Variants in CTRB1 observed in about 807,000 individuals in gnomAD.
CTRB1 encodes chymotrypsinogen B.
Under a neutral mutation model 20.4 loss-of-function variants are expected in CTRB1, and 15 were observed. The ratio of observed to expected loss-of-function variants is 0.74; its 90% CI spans 0.49 to 1.13. The LOEUF (loss-of-function observed/expected upper bound fraction) is 1.13, where lower values mean the gene tolerates loss of function less well. CTRB1 is among the 50% of genes most tolerant of loss of function. The pLI, the probability that CTRB1 is intolerant of heterozygous loss-of-function variation, is 0.00. For missense variants in CTRB1, 227 were observed against 290.1 expected, an observed-to-expected ratio of 0.78 and a Z score of 1.58; for synonymous variants, 92 against 128.4, an observed-to-expected ratio of 0.72 and a Z score of 1.92.
At chr16:75,224,559 G>A in intron 6 of CTRB1, 146 bp from the exon 7 acceptor site, 2 of 960,178 alleles carry the variant, frequency 2.1e-6, no homozygotes, top group East Asian at 2.5e-5. Flanking sequence ...CAGCTACTAG[G>A]GTCTTTCATA....
intron 1 of CTRB1, 152 bp from the exon 2 acceptor site, chr16:75,222,616 A>T: frequency 1.3e-6 from 1 of 776,974 alleles, no homozygotes; most frequent in Non-Finnish European, 2.0e-6. Flanking sequence ...GAGCCTAGAG[A>T]CTTGGGGACC....
chr16:75,222,729 T>C, intron 1 of CTRB1, 39 bp from the exon 2 acceptor site: 2 of 1,536,656 alleles, frequency 1.3e-6, no homozygotes, highest in Non-Finnish European at 1.8e-6. Flanking sequence ...CCCAGGTGGG[T>C]TTGGGGCCTC....
Position 75,220,479 on chromosome 16 carries a change from C to A in CTRB1, c.52+1420C>A, listed in dbSNP as rs116547796. Among the ~76,000 whole-genome samples, 660 of 152,222 alleles carry A rather than the reference C, an allele frequency of 4.3e-3. 3 individuals are homozygous for A. The highest frequency in any genetic ancestry group is 0.015 in the African/African-American group (632 of 41,536). ...GATTACAGGCGTGAGCCCCCATGCCCGACCTGGGGTCTTATTATGTTGTCC... is the reference window on the plus strand; with the variant it reads ...GATTACAGGCGTGAGCCCCCATGCCAGACCTGGGGTCTTATTATGTTGTCC... On this transcript the variant is annotated intron_variant, in intron 1 of 6. Coordinates refer to ENST00000361017, the MANE Select transcript of CTRB1 (RefSeq NM_001906.6).
In CTRB1 at chr16:75,224,901, G is replaced by T. The variant is rs371490267; in HGVS notation, c.*35G>T. 2.9e-5 allele frequency: 46 copies of T among 1,610,626 alleles called. No homozygotes were observed. The African/African-American group carries it at 5.7e-4, about 20-fold the overall frequency. On this transcript the variant is annotated 3_prime_UTR_variant, in exon 7 of 7. Transcript: ENST00000361017. Reference sequence around the variant, plus strand: ...TCCCTCCGACCCTGCTCCCCACAGAGCCTCAGTAAACCCATGGAACACACG... The same window carrying T: ...TCCCTCCGACCCTGCTCCCCACAGATCCTCAGTAAACCCATGGAACACACG...
chr16:75,222,395 T>C (rs146636076), intron 1 of CTRB1, among the ~76,000 whole-genome samples: 58 of 152,286 alleles, frequency 3.8e-4, no homozygotes, highest in Admixed American at 1.3e-3. Context: ...GCCCTTTTTA[T>C]AGCTGAGGAC....
At position 75,224,157 on chromosome 16, in the gene CTRB1, G is replaced by C; in HGVS notation, c.599G>C (p.Cys200Ser). ...AGGAGGATCACCGACGTGATGATCTGTGCCGGGGCCAGTGGCGTCTCCTCC... is the reference window on the plus strand; with the variant it reads ...AGGAGGATCACCGACGTGATGATCTCTGCCGGGGCCAGTGGCGTCTCCTCC... ...WGRRITDVMICAGASGVSSCM... is the reference protein window; with the variant it reads ...WGRRITDVMISAGASGVSSCM... Residue 200 changes from cysteine (C) to serine (S), a missense_variant, in exon 6 of 7, where the codon TGT becomes TCT. By Grantham distance (112) the Cys-to-Ser change is moderately radical. Coordinates refer to ENST00000361017, the MANE Select transcript of CTRB1 (RefSeq NM_001906.6). The C allele has an allele frequency of 6.7e-7, 1 of 1,494,806 alleles. No individual in the cohort carries two copies. The highest frequency in any genetic ancestry group is 1.2e-5 in the South Asian group (1 of 81,598). The allele number at this position is 1,494,806 out of a possible 1,614,324, so 92.6% of individuals were successfully genotyped here. A position where few individuals can be genotyped will look rare whatever the true frequency, so the allele number is the denominator to read the frequency against.
At chr16:75,220,863 T>C (rs1399369153) in intron 1 of CTRB1, among the ~76,000 whole-genome samples, 1 of 151,816 alleles carries the variant, frequency 6.6e-6, no homozygotes, top group Non-Finnish European at 1.5e-5. Flanking sequence ...GGTTCAAGCA[T>C]TTCTCCTGCC....
intron 1 of CTRB1, among the ~76,000 whole-genome samples, chr16:75,221,070 A>C (rs1298776667): frequency 6.6e-6 from 1 of 152,130 alleles, no homozygotes; most frequent in Admixed American, 6.6e-5. Flanking sequence ...GATGCTCTGA[A>C]ACGTCAGGGA....
intron 1 of CTRB1, among the ~76,000 whole-genome samples, chr16:75,221,887 C>T (rs1457891517): frequency 1.3e-5 from 2 of 151,198 alleles, no homozygotes; most frequent in African/African-American, 2.4e-5. Flanking sequence ...ACGGTGAAAC[C>T]CCGTCTCTAC....
In CTRB1 at chr16:75,222,674, G is replaced by C. The variant is rs539540969; in HGVS notation, c.53-94G>C. On this transcript the variant is annotated intron_variant, in intron 1 of 6. Coordinates refer to ENST00000361017, the MANE Select transcript of CTRB1 (RefSeq NM_001906.6). ...CCAGGGAGGTCCTGAGCTGGCTTCA[G>C]TGGACTGGGGTAGAACCGGGAGAGC... 124 of 1,387,454 alleles carry C rather than the reference G, an allele frequency of 8.9e-5. No individual in the cohort carries two copies. The African/African-American group carries it at 1.5e-3, about 17-fold the overall frequency. 85.9% of individuals were successfully genotyped at this position (1,387,454 alleles called of 1,614,324 possible).
chr16:75,224,268 C>T (rs2076716278), intron 6 of CTRB1, 80 bp downstream of exon 6: 12 of 1,540,156 alleles, frequency 7.8e-6, no homozygotes, highest in Middle Eastern at 2.2e-4. Context: ...TCTCTGCTCT[C>T]ATCTACTAAC....
In CTRB1 at chr16:75,224,863, C is replaced by A. The variant is rs1454470836; in HGVS notation, c.789C>A (p.Asn263Lys). ...IPWVQKILAA[N>K] The stretch of plus-strand genomic sequence containing the variant: ...GGGTGCAGAAGATCCTGGCTGCCAA[C>A]TGAGCCCGCGGCTCCCTCCGACCCT... The change falls in exon 7 of 7, where the codon AAC becomes AAA. Residue 263 changes from asparagine to lysine, a missense_variant. Asn to Lys is a moderately conservative substitution (Grantham distance 94). This residue lies in a region of CTRB1 where 108 missense variants were observed against 76.9 expected (regional missense o/e 1.41). Coordinates refer to ENST00000361017, the MANE Select transcript of CTRB1 (RefSeq NM_001906.6). 3 of 1,613,610 alleles carry A rather than the reference C, an allele frequency of 1.9e-6. No homozygotes were observed. The highest frequency in any genetic ancestry group is 2.7e-5 in the African/African-American group (2 of 74,940).
intron 1 of CTRB1, 96 bp from the exon 2 acceptor site, chr16:75,222,672 C>T (rs2076702934): frequency 7.3e-7 from 1 of 1,366,774 alleles, no homozygotes; most frequent in Non-Finnish European, 9.9e-7. Flanking sequence ...GAGCTGGCTT[C>T]AGTGGACTGG....
intron 1 of CTRB1, among the ~76,000 whole-genome samples, chr16:75,221,279 G>A (rs781322978): frequency 2.6e-5 from 4 of 152,198 alleles, no homozygotes; most frequent in Non-Finnish European, 5.9e-5. Flanking sequence ...GGGCGTGTGT[G>A]GAACACCTGA....
chr16:75,224,791 C>A lies in CTRB1; in HGVS notation c.717C>A (p.Ser239=). ...TGTCCTGGGGCAGCGACACCTGCTC[C>A]ACCTCCAGCCCTGGCGTGTACGCCC... ...GIVSWGSDTC[S]TSSPGVYARV... Residue 239 remains serine (S), a synonymous_variant, in exon 7 of 7, where the codon TCC becomes TCA. Transcript: ENST00000361017. The A allele has an allele frequency of 6.2e-7, 1 of 1,614,006 alleles. No individual in the cohort carries two copies. The highest frequency in any genetic ancestry group is 1.1e-5 in the South Asian group (1 of 91,086).
At chr16:75,220,410 C>T (rs751343062) in intron 1 of CTRB1, among the ~76,000 whole-genome samples, 10 of 152,318 alleles carry the variant, frequency 6.6e-5, no homozygotes, top group Admixed American at 2.6e-4. Flanking sequence ...TCTTGAACTC[C>T]TAACCTCCAG....
In CTRB1 at chr16:75,222,769, C is replaced by T. The variant is rs1478069491; in HGVS notation, c.54C>T (p.Gly18=). The change falls in exon 2 of 7, where the codon GGC becomes GGT. Residue 18 remains glycine (G), a splice_region_variant and synonymous_variant. Coordinates refer to ENST00000361017, the MANE Select transcript of CTRB1 (RefSeq NM_001906.6). The part of the protein sequence containing the change: ...SCFSLVGAAF[G]CGVPAIHPVL... ...CTTATTCACCCCACTCCCCCCCAGG[C>T]TGCGGGGTCCCCGCCATCCACCCTG... is the stretch of plus-strand genomic sequence containing the variant. 2.6e-6 allele frequency: 4 copies of T among 1,556,838 alleles called. No individual in the cohort carries two copies. The highest frequency in any genetic ancestry group is 3.4e-4 in the Middle Eastern group (2 of 5,934).
chr16:75,220,074 C>G (rs1167326109), intron 1 of CTRB1, among the ~76,000 whole-genome samples: 1 of 152,222 alleles, frequency 6.6e-6, no homozygotes, highest in Non-Finnish European at 1.5e-5. Context: ...GCCTCAAACT[C>G]AAGGGCTCGA....
chr16:75,224,531 G>A (rs924981904), intron 6 of CTRB1, among the ~76,000 whole-genome samples, 174 bp from the exon 7 acceptor site: 1 of 152,188 alleles, frequency 6.6e-6, no homozygotes, highest in Admixed American at 6.5e-5. Flanking sequence ...AGGCTTCCAG[G>A]GGCATGAACC....
Sources: allele counts gnomAD v4.1 joint callset (sites outside exome capture counted in the v4.1 genomes callset), GRCh38; gene constraint gnomAD v4.1.1; regional missense constraint gnomAD v4.1.1; transcripts MANE v1.5; gene names NCBI Gene and HGNC (gene_info 2026-07-23, HGNC 2026-07-21).